FBXL7: variants seen among roughly 807,000 people sequenced by gnomAD.
FBXL7 encodes F-box/LRR-repeat protein 7.
A neutral mutation model predicts 38.3 loss-of-function variants in FBXL7; 12 were observed. The observed-to-expected ratio is 0.31, with a 90% CI of 0.20 to 0.51. The LOEUF is 0.51. Ranked by LOEUF, FBXL7 falls within the 20% of genes least tolerant of loss-of-function variation. The pLI, the probability that FBXL7 is intolerant of heterozygous loss-of-function variation, is 0.98. For synonymous variants in FBXL7, 297 were observed against 300.9 expected, an observed-to-expected ratio of 0.99 and a Z score of 0.13; for missense variants, 567 against 676.4, an observed-to-expected ratio of 0.84 and a Z score of 1.79.
intron 2 of FBXL7, among the ~76,000 whole-genome samples, chr5:15,882,979 C>G (rs1740521673): frequency 1.4e-5 from 2 of 145,768 alleles, no homozygotes; most frequent in African/African-American, 5.1e-5. Flanking sequence ...AAAAAAAAAT[C>G]AATAAAATGG....
At position 15,716,592 on chromosome 5, in the gene FBXL7, A is replaced by G. The variant is rs181493863; in HGVS notation, c.127+100520A>G. ...TTCTTCCTCTGCAACTTCTCCTAAC[A>G]TCTTTCGGGTCTGTATATGGGCTAG... On this transcript the variant is annotated intron_variant, in intron 2 of 3. Coordinates refer to ENST00000504595, the MANE Select transcript of FBXL7 (RefSeq NM_012304.5). 9.9e-5 allele frequency among the ~76,000 whole-genome samples: 15 copies of G among 152,118 alleles called. No homozygotes were observed. In the East Asian group the frequency reaches 2.7e-3, roughly 27 times the overall value.
intron 2 of FBXL7, among the ~76,000 whole-genome samples, chr5:15,739,433 G>C (rs1197262023): frequency 1.3e-5 from 2 of 152,202 alleles, no homozygotes; most frequent in East Asian, 3.8e-4. Context: ...TAAGTGTACA[G>C]TTCAGTGGGT....
At chr5:15,927,636 G>A (rs1266811588) in intron 2 of FBXL7, among the ~76,000 whole-genome samples, 3 of 151,908 alleles carry the variant, frequency 2.0e-5, no homozygotes, top group Non-Finnish European at 4.4e-5. Flanking sequence ...TTAGCCGGCC[G>A]TGGTGGCGCA....
chr5:15,695,600 T>G (rs1035936043), intron 2 of FBXL7, among the ~76,000 whole-genome samples: 3 of 152,174 alleles, frequency 2.0e-5, no homozygotes, highest in African/African-American at 7.2e-5. Flanking sequence ...TCTTAGTGAT[T>G]AGTCACAACA....
At chr5:15,629,986 T>TAAAAGGGA in intron 2 of FBXL7, among the ~76,000 whole-genome samples, 1 of 152,208 alleles carries the variant, frequency 6.6e-6, no homozygotes, top group South Asian at 2.1e-4. Context: ...GGCAGTTATT[T>TAAAAGGGA]ACTCTTAGTT....
At chr5:15,644,410 G>A (rs1741466035) in intron 2 of FBXL7, among the ~76,000 whole-genome samples, 2 of 152,044 alleles carry the variant, frequency 1.3e-5, no homozygotes, top group Non-Finnish European at 2.9e-5. Flanking sequence ...GGGAGGCAGA[G>A]GTTGCGGTGA....
chr5:15,688,573 G>T (rs770110592), intron 2 of FBXL7, among the ~76,000 whole-genome samples: 1 of 152,096 alleles, frequency 6.6e-6, no homozygotes, highest in Non-Finnish European at 1.5e-5. Context: ...CCACTCCATG[G>T]TCGCCTCCAG....
intron 2 of FBXL7, among the ~76,000 whole-genome samples, chr5:15,784,046 CTG>C (rs1737071005): frequency 6.6e-6 from 1 of 152,188 alleles, no homozygotes; most frequent in African/African-American, 2.4e-5. Flanking sequence ...GTGGCAGTGA[CTG>C]TTTCCCTGGC....
chr5:15,710,772 C>T (rs1469153710), intron 2 of FBXL7, among the ~76,000 whole-genome samples: 1 of 152,130 alleles, frequency 6.6e-6, no homozygotes, highest in African/African-American at 2.4e-5. Context: ...AACTGGGTGG[C>T]TTAAAACAAA....
At chr5:15,758,497 T>G (rs2126695246) in intron 2 of FBXL7, among the ~76,000 whole-genome samples, 1 of 152,244 alleles carries the variant, frequency 6.6e-6, no homozygotes, top group South Asian at 2.1e-4. Flanking sequence ...TACCCTGTTG[T>G]AAATGAATGT....
intron 1 of FBXL7, among the ~76,000 whole-genome samples, chr5:15,549,470 T>G (rs1030245453): frequency 6.6e-6 from 1 of 152,094 alleles, no homozygotes; most frequent in Non-Finnish European, 1.5e-5. Context: ...TTGCCTTTCT[T>G]TGTAAGGCCA....
At chr5:15,775,892 G>A (rs1445259675) in intron 2 of FBXL7, among the ~76,000 whole-genome samples, 4 of 152,218 alleles carry the variant, frequency 2.6e-5, no homozygotes, top group African/African-American at 9.6e-5. Flanking sequence ...GGAGCTTCTG[G>A]ACCTACAGGT....
At chr5:15,643,109 T>C (rs185184524) in intron 2 of FBXL7, among the ~76,000 whole-genome samples, 24 of 152,334 alleles carry the variant, frequency 1.6e-4, no homozygotes, top group African/African-American at 5.5e-4. Flanking sequence ...AATGATTTTT[T>C]ATGAACCATG....
intron 1 of FBXL7, among the ~76,000 whole-genome samples, chr5:15,574,495 T>C (rs1178819172): frequency 6.6e-6 from 1 of 152,238 alleles, no homozygotes; most frequent in Non-Finnish European, 1.5e-5. Context: ...TTCTGCACTA[T>C]TGAAATTAGA....
chr5:15,742,081 G>A (rs901894531), intron 2 of FBXL7, among the ~76,000 whole-genome samples: 3 of 152,222 alleles, frequency 2.0e-5, no homozygotes, highest in Non-Finnish European at 2.9e-5. Flanking sequence ...TCTGCTTAAT[G>A]GACACTTTTG....
At chr5:15,891,156 A>G (rs1740887827) in intron 2 of FBXL7, among the ~76,000 whole-genome samples, 1 of 152,216 alleles carries the variant, frequency 6.6e-6, no homozygotes, top group African/African-American at 2.4e-5. Flanking sequence ...AAACCATTTA[A>G]TTCATCACTT....
intron 1 of FBXL7, among the ~76,000 whole-genome samples, chr5:15,520,020 A>G (rs548871834): frequency 1.3e-5 from 2 of 152,338 alleles, no homozygotes; most frequent in African/African-American, 4.8e-5. Context: ...GATATGCTAA[A>G]CAAGTGGTGG....
At position 15,934,294 on chromosome 5, in the gene FBXL7, C is replaced by A. The variant is rs538690569; in HGVS notation, c.740-2156C>A. 2.2e-3 allele frequency among the ~76,000 whole-genome samples: 334 copies of A among 152,320 alleles called. 3 individuals are homozygous for A. The highest frequency in any genetic ancestry group is 3.4e-3 in the Middle Eastern group (1 of 294). ...TGCTGGGATTGCAGGCGTGAGCCAACACACCCAGTCGGTTTTTGCCATTTT... is the reference window on the plus strand; with the variant it reads ...TGCTGGGATTGCAGGCGTGAGCCAAAACACCCAGTCGGTTTTTGCCATTTT... On this transcript the variant is annotated intron_variant, in intron 3 of 3. Transcript: ENST00000504595.
chr5:15,731,367 T>G (rs1299272651), intron 2 of FBXL7, among the ~76,000 whole-genome samples: 4 of 151,680 alleles, frequency 2.6e-5, no homozygotes, highest in Admixed American at 6.6e-5. Context: ...AGAAAGCTTG[T>G]GCAGAGAAAC....
Sources: allele counts gnomAD v4.1 joint callset (sites outside exome capture counted in the v4.1 genomes callset), GRCh38; gene constraint gnomAD v4.1.1; transcripts MANE v1.5; gene names NCBI Gene and HGNC (gene_info 2026-07-23, HGNC 2026-07-21).